The following DPP10 variants were observed in gnomAD, a reference collection of about 807,000 sequenced individuals.
The protein encoded by DPP10 is dipeptidyl peptidase like 10.
DPP10 carries 33 observed loss-of-function variants against 120.9 expected under a neutral mutation model. That is an observed-to-expected ratio of 0.27 (90% CI 0.21 to 0.37). The LOEUF (loss-of-function observed/expected upper bound fraction) is 0.37. Among genes scored for constraint, DPP10 ranks in the 10% least tolerant of loss-of-function variants. DPP10 has a pLI of 1.00. For missense variants in DPP10, 816 were observed against 942.8 expected (o/e 0.87, Z 1.76); for synonymous variants, 337 against 326.1 (o/e 1.03, Z -0.36).
intron 15 of DPP10, among the ~76,000 whole-genome samples, chr2:115,778,198 G>A (rs1456541083): frequency 6.6e-6 from 1 of 152,032 alleles, no homozygotes; most frequent in East Asian, 1.9e-4. Context: ...GTGCATTAAT[G>A]TGGCACAGGT....
chr2:115,045,996 CTG>C (rs1174302658), intron 1 of DPP10, among the ~76,000 whole-genome samples: 20 of 89,722 alleles, frequency 2.2e-4, no homozygotes, highest in Admixed American at 1.9e-3. Flanking sequence ...TGCTGAAAGG[CTG>C]TGTGTGTGTG....
intron 1 of DPP10, among the ~76,000 whole-genome samples, chr2:115,070,812 T>C (rs1707303368): frequency 6.6e-6 from 1 of 152,186 alleles, no homozygotes; most frequent in Non-Finnish European, 1.5e-5. Context: ...TCTCCTTGAC[T>C]CCCTGAGTTT....
chr2:115,590,129 C>T (rs1444466533), intron 5 of DPP10, among the ~76,000 whole-genome samples: 30 of 141,680 alleles, frequency 2.1e-4, no homozygotes, highest in African/African-American at 7.3e-4. Flanking sequence ...TTTTTTTTTT[C>T]CCCCATATGG....
chr2:115,075,597 T>C (rs959935963), intron 1 of DPP10, among the ~76,000 whole-genome samples: 4 of 152,204 alleles, frequency 2.6e-5, no homozygotes, highest in African/African-American at 9.6e-5. Flanking sequence ...AAAATTTAAT[T>C]AGAGATTTTA....
intron 1 of DPP10, among the ~76,000 whole-genome samples, chr2:115,225,924 G>C (rs1031015015): frequency 1.3e-5 from 2 of 151,948 alleles, no homozygotes; most frequent in African/African-American, 4.8e-5. Context: ...CTCTCATTTT[G>C]CACTGTTTAC....
chr2:115,093,223 A>G (rs1182884524), intron 1 of DPP10, among the ~76,000 whole-genome samples: 1 of 152,156 alleles, frequency 6.6e-6, no homozygotes. Flanking sequence ...ATAAAGTTAA[A>G]AGATATGTAA....
At chr2:114,486,641 T>C (rs1454092512) in intron 1 of DPP10, among the ~76,000 whole-genome samples, 1 of 152,196 alleles carries the variant, frequency 6.6e-6, no homozygotes, top group Non-Finnish European at 1.5e-5. Flanking sequence ...CTATAAATTA[T>C]AGGTCAAAGG....
chr2:114,889,756 G>A (rs1692388234), intron 1 of DPP10, among the ~76,000 whole-genome samples: 1 of 152,084 alleles, frequency 6.6e-6, no homozygotes, highest in Admixed American at 6.6e-5. Flanking sequence ...TTTCACAATA[G>A]TACTTTAAGA....
chr2:114,876,960 T>C (rs1691213709), intron 1 of DPP10, among the ~76,000 whole-genome samples: 1 of 151,938 alleles, frequency 6.6e-6, no homozygotes, highest in African/African-American at 2.4e-5. Context: ...TGTCATCAGG[T>C]TAATTTGCTA....
intron 5 of DPP10, among the ~76,000 whole-genome samples, chr2:115,672,663 T>C (rs151239111): frequency 0.099 from 11,479 of 115,894 alleles, 628 homozygotes; most frequent in Non-Finnish European, 0.14. Context: ...TTTCTTTCTT[T>C]CTTTCTCTCT....
At chr2:115,041,393 T>C (rs1023998944) in intron 1 of DPP10, among the ~76,000 whole-genome samples, 1 of 152,136 alleles carries the variant, frequency 6.6e-6, no homozygotes, top group African/African-American at 2.4e-5. Context: ...CAAATAATCA[T>C]TGGCTTCTTA....
chr2:115,187,671 G>A (rs2054559783), intron 1 of DPP10, among the ~76,000 whole-genome samples: 1 of 152,108 alleles, frequency 6.6e-6, no homozygotes, highest in Non-Finnish European at 1.5e-5. Flanking sequence ...CAGCTGGGAA[G>A]CAGGGATGAA....
At chr2:114,965,132 T>C (rs1698911066) in intron 1 of DPP10, among the ~76,000 whole-genome samples, 1 of 151,968 alleles carries the variant, frequency 6.6e-6, no homozygotes, top group Non-Finnish European at 1.5e-5. Flanking sequence ...TGGGACTTTC[T>C]TTCTTTCTTT....
chr2:115,576,068 A>G (rs1183928784), intron 5 of DPP10, among the ~76,000 whole-genome samples: 1 of 152,160 alleles, frequency 6.6e-6, no homozygotes, highest in African/African-American at 2.4e-5. Context: ...TCTGAAACTC[A>G]TGTTGGACTT....
chr2:115,302,377 T>C (rs1438063741), intron 1 of DPP10, among the ~76,000 whole-genome samples: 1 of 152,022 alleles, frequency 6.6e-6, no homozygotes, highest in Non-Finnish European at 1.5e-5. Flanking sequence ...AATTGCGAGT[T>C]CTTTTATAAA....
Position 115,468,146 on chromosome 2 carries a change from G to C in DPP10, c.272-31364G>C, listed in dbSNP as rs969793500. On this transcript the variant is annotated intron_variant, in intron 3 of 25. Coordinates refer to ENST00000410059, the MANE Select transcript of DPP10 (RefSeq NM_020868.6). ...AACCCACTTAGGTGGCACCAACCTTGACTTCTAAATGGATCAGTACATCTG... is the reference window on the plus strand; with the variant it reads ...AACCCACTTAGGTGGCACCAACCTTCACTTCTAAATGGATCAGTACATCTG... The C allele has an allele frequency of 5.7e-5, 28 of 493,824 alleles. No individual in the cohort carries two copies. The Admixed American group carries it at 5.8e-4, about 10-fold the overall frequency. 30.6% of individuals were successfully genotyped at this position (493,824 alleles called of 1,614,324 possible).
chr2:115,792,672 CT>C (rs1684118316), intron 19 of DPP10, among the ~76,000 whole-genome samples: 1 of 151,770 alleles, frequency 6.6e-6, no homozygotes, highest in Admixed American at 6.6e-5. Flanking sequence ...TCTATTTTAA[CT>C]GTATGTATGA....
chr2:114,536,967 G>A (rs1422705003), intron 1 of DPP10, among the ~76,000 whole-genome samples: 1 of 152,106 alleles, frequency 6.6e-6, no homozygotes, highest in East Asian at 1.9e-4. Flanking sequence ...AAATGGATTT[G>A]CATTACTAGA....
chr2:114,964,631 A>G (rs1486351343), intron 1 of DPP10, among the ~76,000 whole-genome samples: 1 of 152,154 alleles, frequency 6.6e-6, no homozygotes, highest in Non-Finnish European at 1.5e-5. Context: ...GAATGTTAAC[A>G]TATCTCAGAA....
Sources: allele counts gnomAD v4.1 joint callset (sites outside exome capture counted in the v4.1 genomes callset), GRCh38; gene constraint gnomAD v4.1.1; transcripts MANE v1.5; gene names NCBI Gene and HGNC (gene_info 2026-07-23, HGNC 2026-07-21).